SLC28A3: variants seen among roughly 807,000 people sequenced by gnomAD.
The protein encoded by SLC28A3 is solute carrier family 28 member 3.
Under a neutral mutation model 84.2 loss-of-function variants are expected in SLC28A3, and 68 were observed. The ratio of observed to expected loss-of-function variants is 0.81; its 90% CI spans 0.66 to 0.99. SLC28A3 has a LOEUF of 0.99. Among genes scored for constraint, SLC28A3 ranks in the 50% least tolerant of loss-of-function variants. The pLI is 0.00. For synonymous variants in SLC28A3, 267 were observed against 303.6 expected, an observed-to-expected ratio of 0.88 and a Z score of 1.25; for missense variants, 712 against 841.5, an observed-to-expected ratio of 0.85 and a Z score of 1.90.
the SLC28A3 span, among the ~76,000 whole-genome samples, chr9:84,357,227 T>A: frequency 7.1e-4 from 108 of 152,312 alleles, no homozygotes; most frequent in African/African-American, 2.5e-3. Context: ...GTCCACTGAA[T>A]GAAAATTTGC....
intron 1 of SLC28A3, among the ~76,000 whole-genome samples, chr9:84,326,705 A>G (rs4588940): frequency 0.42 from 63,338 of 151,960 alleles, 15,246 homozygotes; most frequent in Middle Eastern, 0.56. Flanking sequence ...TCTCTGTTCA[A>G]TCAAAACATA....
chr9:84,282,784 A>G (rs1249389535), intron 14 of SLC28A3, among the ~76,000 whole-genome samples: 4 of 152,204 alleles, frequency 2.6e-5, no homozygotes, highest in African/African-American at 9.7e-5. Context: ...TCAAAACCCT[A>G]TGATTTTGTT....
Position 84,277,485 on chromosome 9 carries a change from T to C in SLC28A3, c.*733A>G, listed in dbSNP as rs1824566324. On this transcript the variant is annotated 3_prime_UTR_variant, in exon 18 of 18. Transcript: ENST00000376238. ...ATGCCCCCCTTAGAGGCTGCTCCTT[T>C]AGACTGGGTGCTGAAGCAATATGGA... is the stretch of plus-strand genomic sequence containing the variant. 1 of 152,240 alleles carries C rather than the reference T, an allele frequency of 6.6e-6. No individual in the cohort carries two copies. The highest frequency in any genetic ancestry group is 2.1e-4 in the South Asian group (1 of 4,834). 9.4% of individuals were successfully genotyped at this position (152,240 alleles called of 1,614,324 possible).
chr9:84,331,418 G>A (rs148225456), intron 1 of SLC28A3, among the ~76,000 whole-genome samples: 1,968 of 152,142 alleles, frequency 0.013, 23 homozygotes, highest in Non-Finnish European at 0.02. Context: ...TTCAAAGTAC[G>A]TGCTTGACAA....
chr9:84,353,507 C>A, the SLC28A3 span, among the ~76,000 whole-genome samples: 4 of 152,118 alleles, frequency 2.6e-5, no homozygotes, highest in African/African-American at 9.7e-5. Flanking sequence ...GTCAGGAGTT[C>A]GAGGCCAGCA....
intron 15 of SLC28A3, 107 bp from the exon 16 acceptor site, chr9:84,280,180 T>G: frequency 1.1e-6 from 1 of 914,260 alleles, no homozygotes; most frequent in Non-Finnish European, 1.6e-6. Flanking sequence ...CTGACTTTTT[T>G]TTTTTTTTCT....
chr9:84,313,472 A>G lies in SLC28A3; in HGVS notation c.61-18T>C, dbSNP rs372958687. 1 of 1,604,414 alleles carries G rather than the reference A, an allele frequency of 6.2e-7. No individual in the cohort carries two copies. Among genetic ancestry groups the G allele is most frequent in the Non-Finnish European group, 8.5e-7 (1 of 1,173,158 alleles). On this transcript the variant is annotated intron_variant, in intron 1 of 17. Coordinates refer to ENST00000376238, the MANE Select transcript of SLC28A3 (RefSeq NM_001199633.2). ...TCTTCATTCTAAGAAAAAAGTGCAG[A>G]TTGAAAAAATAAAAAGTTACAGCCA... is the stretch of plus-strand genomic sequence containing the variant.
At chr9:84,280,194 A>G (rs1397925456) in intron 15 of SLC28A3, 121 bp from the exon 16 acceptor site, 1 of 726,224 alleles carries the variant, frequency 1.4e-6, no homozygotes, top group South Asian at 2.0e-5. Flanking sequence ...TTTTTCTTTA[A>G]CTTAGCTGGG....
intron 13 of SLC28A3, 23 bp from the exon 14 acceptor site, chr9:84,285,565 C>T (rs902452898): frequency 6.2e-7 from 1 of 1,613,042 alleles, no homozygotes; most frequent in African/African-American, 1.3e-5. Context: ...AAAGTAGACA[C>T]TTGATTAGAA....
At chr9:84,338,390 T>A (rs1171310247) in intron 1 of SLC28A3, among the ~76,000 whole-genome samples, 2 of 152,210 alleles carry the variant, frequency 1.3e-5, no homozygotes, top group Non-Finnish European at 2.9e-5. Context: ...ACTTATTAAC[T>A]TGGCAGGAGT....
At chr9:84,343,023 C>T (rs950816511), upstream of SLC28A3, among the ~76,000 whole-genome samples, 17 of 151,948 alleles carry the variant, frequency 1.1e-4, no homozygotes, top group Non-Finnish European at 2.4e-4. Context: ...ATTAGCCAGG[C>T]ATGGTGGCAC....
At chr9:84,318,811 G>C (rs1826261776) in intron 1 of SLC28A3, among the ~76,000 whole-genome samples, 1 of 151,996 alleles carries the variant, frequency 6.6e-6, no homozygotes, top group South Asian at 2.1e-4. Context: ...GGAGGTTGCA[G>C]TGAGCTGAGA....
At chr9:84,342,120 C>T (rs185894472), upstream of SLC28A3, among the ~76,000 whole-genome samples, 109 of 124,306 alleles carry the variant, frequency 8.8e-4, no homozygotes, top group Admixed American at 1.9e-3. Flanking sequence ...AGAGTGAGAC[C>T]CTGTCTCAAA....
At chr9:84,328,138 A>T (rs1365587807) in intron 1 of SLC28A3, among the ~76,000 whole-genome samples, 1 of 139,122 alleles carries the variant, frequency 7.2e-6, no homozygotes, top group Admixed American at 7.5e-5. Flanking sequence ...AGAAGGAAGT[A>T]ATAGAGGGGG....
the SLC28A3 span, among the ~76,000 whole-genome samples, chr9:84,367,263 T>C: frequency 6.6e-6 from 1 of 152,348 alleles, no homozygotes; most frequent in Admixed American, 6.5e-5. Context: ...GAATGCTGCC[T>C]GGCCTGGGAC....
chr9:84,323,122 T>C (rs190264020), intron 1 of SLC28A3, among the ~76,000 whole-genome samples: 5 of 152,326 alleles, frequency 3.3e-5, no homozygotes, highest in African/African-American at 1.2e-4. Flanking sequence ...GTATTTGCTA[T>C]AGGAAGAGGC....
chr9:84,308,210 C>A (rs1034099911), intron 3 of SLC28A3, among the ~76,000 whole-genome samples: 7 of 152,028 alleles, frequency 4.6e-5, no homozygotes, highest in African/African-American at 1.2e-4. Flanking sequence ...CATGACAGGG[C>A]CTTGCTCTGT....
At chr9:84,311,933 T>C (rs1314933048) in intron 2 of SLC28A3, among the ~76,000 whole-genome samples, 1 of 152,216 alleles carries the variant, frequency 6.6e-6, no homozygotes, top group Admixed American at 6.5e-5. Context: ...ACTGTCTCCA[T>C]AGTTTTGCAT....
intron 1 of SLC28A3, among the ~76,000 whole-genome samples, chr9:84,336,696 A>G (rs1055902518): frequency 1.3e-5 from 2 of 152,132 alleles, no homozygotes; most frequent in African/African-American, 4.8e-5. Context: ...TCACAATTTG[A>G]CTGCGTAAAT....
Sources: allele counts gnomAD v4.1 joint callset (sites outside exome capture counted in the v4.1 genomes callset), GRCh38; gene constraint gnomAD v4.1.1; transcripts MANE v1.5; gene names NCBI Gene and HGNC (gene_info 2026-07-23, HGNC 2026-07-21).